Variants in FANCI observed in about 807,000 individuals in gnomAD.
The protein encoded by FANCI is FA complementation group I.
In FANCI, 156 loss-of-function variants were observed where a neutral mutation model predicts 176.1. That is an observed-to-expected ratio of 0.89 (90% CI 0.78 to 1.01). The LOEUF is 1.01. Among genes scored for constraint, FANCI ranks in the 50% least tolerant of loss-of-function variants. The pLI, the probability that FANCI is intolerant of heterozygous loss-of-function variation, is 0.00. For synonymous variants in FANCI, 613 were observed against 541.7 expected (o/e 1.13, Z -1.83); for missense variants, 1,678 against 1,534.1 (o/e 1.09, Z -1.57).
At position 89,317,077 on chromosome 15, in the gene FANCI, T is replaced by TGTCA. The variant is rs1284845432; in HGVS notation, c.*619_*622dup. The TGTCA allele has an allele frequency of 4.1e-5, 24 of 590,520 alleles. No individual in the cohort carries two copies. In the African/African-American group the frequency reaches 4.1e-4, roughly 10 times the overall value. 36.6% of individuals were successfully genotyped at this position (590,520 alleles called of 1,614,324 possible). On this transcript the variant is annotated 3_prime_UTR_variant, in exon 38 of 38. Coordinates refer to ENST00000310775, the MANE Select transcript of FANCI (RefSeq NM_001113378.2). ...GTATTTAAAGCACAGTTTGTTTTTC[T>TGTCA]GTCACCTATAGAGTGCAAGAATGCA...
At chr15:89,295,543 G>A (rs1312311373) in intron 24 of FANCI, among the ~76,000 whole-genome samples, 2 of 152,030 alleles carry the variant, frequency 1.3e-5, no homozygotes, top group Admixed American at 1.3e-4. Context: ...GCACATGCCT[G>A]TCATACCAGC....
intron 7 of FANCI, 115 bp downstream of exon 7, chr15:89,263,575 AGTTAT>A: frequency 1.0e-6 from 1 of 976,442 alleles, no homozygotes; most frequent in Non-Finnish European, 1.6e-6. Flanking sequence ...GAATATTAGT[AGTTAT>A]GTTTTCTGTT....
At position 89,285,186 on chromosome 15, in the gene FANCI, C is replaced by T. The variant is rs1262450705; in HGVS notation, c.1789C>T (p.Gln597Ter). 6.2e-7 allele frequency: 1 copy of T among 1,614,132 alleles called. No homozygotes were observed. The highest frequency in any genetic ancestry group is 1.1e-5 in the South Asian group (1 of 91,070). Reference protein sequence around the residue: ...IMDSLRRCLSQQADVRLMLYE... With the variant: ...IMDSLRRCLS ...GGATAGTTTGAGGAGATGCTTAAGC[C>T]AGCAAGCTGATGTTCGACTCATGCT... Residue 597 changes from glutamine to a stop codon, truncating the protein, a stop_gained, in exon 18 of 38, where the codon CAG (glutamine) becomes TAG (stop). Coordinates refer to ENST00000310775, the MANE Select transcript of FANCI (RefSeq NM_001113378.2). LOFTEE classifies it high-confidence loss of function.
intron 2 of FANCI, among the ~76,000 whole-genome samples, chr15:89,252,604 G>T (rs1217003859): frequency 6.6e-6 from 1 of 152,130 alleles, no homozygotes; most frequent in African/African-American, 2.4e-5. Flanking sequence ...GCTGGGCGTG[G>T]TGGTGCACGC....
chr15:89,260,085 CA>C (rs981771038), intron 3 of FANCI, among the ~76,000 whole-genome samples: 16 of 152,104 alleles, frequency 1.1e-4, no homozygotes, highest in African/African-American at 3.6e-4. Flanking sequence ...ATTAGGATGC[CA>C]ATTTTTTCAC....
chr15:89,259,691 C>CT (rs1262061969), intron 3 of FANCI, among the ~76,000 whole-genome samples: 2 of 152,188 alleles, frequency 1.3e-5, no homozygotes, highest in African/African-American at 4.8e-5. Context: ...CACGAATCTA[C>CT]TTTTTGTCTC....
At chr15:89,247,491 C>A in intron 1 of FANCI, 138 bp from the exon 2 acceptor site, 1 of 672,190 alleles carries the variant, frequency 1.5e-6, no homozygotes. Context: ...AAAGAATCAG[C>A]TACTTAAAGA....
intron 2 of FANCI, among the ~76,000 whole-genome samples, chr15:89,257,873 C>T (rs1165699670): frequency 6.6e-6 from 1 of 152,188 alleles, no homozygotes; most frequent in Non-Finnish European, 1.5e-5. Context: ...TCATTCTCCA[C>T]ACAAGGAGCA....
intron 4 of FANCI, 51 bp from the exon 5 acceptor site, chr15:89,261,534 A>G (rs766177677): frequency 1.2e-6 from 2 of 1,606,164 alleles, no homozygotes; most frequent in Admixed American, 3.3e-5. Context: ...AGAAAGATTT[A>G]TCAAACATTG....
intron 2 of FANCI, among the ~76,000 whole-genome samples, chr15:89,250,316 T>G (rs138206825): frequency 6.6e-6 from 1 of 150,804 alleles, no homozygotes; most frequent in Non-Finnish European, 1.5e-5. Flanking sequence ...AATGATAGAC[T>G]GGATTAAGAA....
At chr15:89,281,885 G>T in intron 16 of FANCI, 50 bp downstream of exon 16, 1 of 1,544,792 alleles carries the variant, frequency 6.5e-7, no homozygotes, top group South Asian at 1.1e-5. Flanking sequence ...TCTAATGTTG[G>T]AGCTAAAGTT....
chr15:89,296,274 T>C (rs2054267493), intron 24 of FANCI, among the ~76,000 whole-genome samples: 1 of 151,832 alleles, frequency 6.6e-6, no homozygotes, highest in Admixed American at 6.5e-5. Flanking sequence ...CTTATTTTTT[T>C]TTTTTTAATT....
At chr15:89,303,034 C>T (rs1346845533) in intron 27 of FANCI, among the ~76,000 whole-genome samples, 3 of 152,124 alleles carry the variant, frequency 2.0e-5, no homozygotes, top group Non-Finnish European at 4.4e-5. Context: ...TTTTTGTGTC[C>T]TTCAACCTTC....
chr15:89,302,873 A>T (rs1054654747), intron 27 of FANCI, among the ~76,000 whole-genome samples: 2 of 152,114 alleles, frequency 1.3e-5, no homozygotes, highest in Non-Finnish European at 1.5e-5. Flanking sequence ...GCGCCTGGCC[A>T]AAAATTTTTA....
chr15:89,316,885 A>C lies in FANCI; in HGVS notation c.*426A>C. ...CCTCAAGAACTGTAACTGAGAGCTCAGAAGTGAGCAAAGGAGCTTAATGCT... is the reference window on the plus strand; with the variant it reads ...CCTCAAGAACTGTAACTGAGAGCTCCGAAGTGAGCAAAGGAGCTTAATGCT... On this transcript the variant is annotated 3_prime_UTR_variant, in exon 38 of 38. Coordinates refer to ENST00000310775, the MANE Select transcript of FANCI (RefSeq NM_001113378.2). 8.0e-7 allele frequency: 1 copy of C among 1,246,680 alleles called. No individual in the cohort carries two copies. The highest frequency in any genetic ancestry group is 1.2e-6 in the Non-Finnish European group (1 of 844,420). The allele number at this position is 1,246,680 out of a possible 1,614,324, so 77.2% of individuals were successfully genotyped here. A position where few individuals can be genotyped will look rare whatever the true frequency, so the allele number is the denominator to read the frequency against.
chr15:89,296,411 TTTC>T (rs1469823356), intron 24 of FANCI, among the ~76,000 whole-genome samples: 1 of 116,320 alleles, frequency 8.6e-6, no homozygotes, highest in Non-Finnish European at 1.8e-5. Context: ...GCTTTTGTTT[TTTC>T]GTTTTTTTTG....
intron 16 of FANCI, chr15:89,282,784 G>C: frequency 3.0e-6 from 1 of 338,150 alleles, no homozygotes; most frequent in African/African-American, 2.1e-5. Flanking sequence ...AGCATATGAA[G>C]GGAAGCACTC....
rs770909223 is a variant in FANCI, at chr15:89,261,707, G to A, written c.411G>A (p.Leu137=). Residue 137 remains leucine, a synonymous_variant, in exon 5 of 38, where the codon CTG becomes CTA. Transcript: ENST00000310775. ...LELLPIILTA[L]ATKKENLAYG... is the part of the protein sequence containing the mutation. ...TACTACCTATCATTCTCACTGCCCT[G>A]GCTACGAAAAAGGAAAATCTGGCTT... 7.4e-6 allele frequency: 12 copies of A among 1,613,916 alleles called. No homozygotes were observed. The highest frequency in any genetic ancestry group is 1.0e-5 in the Non-Finnish European group (12 of 1,180,004).
At chr15:89,265,493 C>G (rs966950298) in intron 9 of FANCI, among the ~76,000 whole-genome samples, 1 of 152,076 alleles carries the variant, frequency 6.6e-6, no homozygotes, top group African/African-American at 2.4e-5. Flanking sequence ...AGACATGAGC[C>G]ACTGTGCCTG....
Sources: gnomAD v4.1 joint callset for allele counts (sites outside exome capture counted in the v4.1 genomes callset) on GRCh38, gnomAD v4.1.1 for gene constraint, MANE v1.5 for transcripts, NCBI Gene and HGNC (gene_info 2026-07-23, HGNC 2026-07-21) for gene names.